Variants in GALM observed in about 807,000 individuals in gnomAD.
The protein encoded by GALM is aldose 1-epimerase.
A neutral mutation model predicts 37.4 loss-of-function variants in GALM; 43 were observed. The ratio of observed to expected loss-of-function variants is 1.15; its 90% CI spans 0.90 to 1.48. GALM has a LOEUF of 1.48. GALM is among the 40% of genes most tolerant of loss of function. The pLI is 0.00. For missense variants in GALM, 456 were observed against 419.1 expected, an observed-to-expected ratio of 1.09 and a Z score of -0.77; for synonymous variants, 199 against 170.6, an observed-to-expected ratio of 1.17 and a Z score of -1.30.
At position 38,668,929 on chromosome 2, in the gene GALM, T is replaced by C. The variant is rs543341597; in HGVS notation, c.190+2578T>C. On this transcript the variant is annotated intron_variant, in intron 1 of 6. Coordinates refer to ENST00000272252, the MANE Select transcript of GALM (RefSeq NM_138801.3). Reference sequence around the variant, plus strand: ...GATAATTCCATGAGACATGGTCCTTTTGTAACTGCAGAGTTAGATATGAAC... The same window carrying C: ...GATAATTCCATGAGACATGGTCCTTCTGTAACTGCAGAGTTAGATATGAAC... 10 of 152,314 alleles carry C rather than the reference T, an allele frequency of 6.6e-5. No homozygotes were observed. The South Asian group carries it at 1.9e-3, about 28-fold the overall frequency. 9.4% of individuals were successfully genotyped at this position (152,314 alleles called of 1,614,324 possible).
intron 4 of GALM, among the ~76,000 whole-genome samples, chr2:38,694,620 G>A (rs1228419168): frequency 6.6e-6 from 1 of 152,072 alleles, no homozygotes; most frequent in East Asian, 1.9e-4. Context: ...AGTCAGGCTG[G>A]GCGCAGTGGC....
chr2:38,717,480 AC>A (rs1666291850), intron 4 of GALM, among the ~76,000 whole-genome samples: 1 of 147,916 alleles, frequency 6.8e-6, no homozygotes, highest in Non-Finnish European at 1.5e-5. Context: ...GCTCACTGCA[AC>A]CTCCGCCTCC....
chr2:38,666,594 A>T (rs1225885758), intron 1 of GALM, among the ~76,000 whole-genome samples: 1 of 152,214 alleles, frequency 6.6e-6, no homozygotes, highest in Non-Finnish European at 1.5e-5. Context: ...GCCCCAGTTA[A>T]CGTAAAAGGT....
intron 3 of GALM, among the ~76,000 whole-genome samples, chr2:38,688,513 GA>G (rs201363784): frequency 0.043 from 5,909 of 137,932 alleles, 380 homozygotes; most frequent in African/African-American, 0.14. Context: ...CTCGGTCTCA[GA>G]AAAAAAAAAA....
chr2:38,726,605 C>T (rs1292897223), intron 4 of GALM, among the ~76,000 whole-genome samples: 7 of 152,048 alleles, frequency 4.6e-5, no homozygotes, highest in Non-Finnish European at 7.4e-5. Flanking sequence ...GTAAACCAGA[C>T]AAATGCAAGC....
chr2:38,732,036 T>C, intron 6 of GALM, 127 bp downstream of exon 6: 3 of 865,104 alleles, frequency 3.5e-6, no homozygotes, highest in Non-Finnish European at 5.3e-6. Flanking sequence ...GGTTTGTTTT[T>C]TGAGACAGAG....
chr2:38,679,719 G>T (rs960419765), intron 2 of GALM, among the ~76,000 whole-genome samples: 4 of 152,200 alleles, frequency 2.6e-5, no homozygotes, highest in Non-Finnish European at 5.9e-5. Context: ...TCAGGATCCA[G>T]TCCAATGCCA....
intron 4 of GALM, 132 bp downstream of exon 4, chr2:38,690,026 GTAATTTCT>G: frequency 1.7e-6 from 1 of 584,090 alleles, no homozygotes; most frequent in South Asian, 2.5e-5. Flanking sequence ...TATTCTAGTG[GTAATTTCT>G]TAGTTTTGAT....
At chr2:38,692,751 G>C (rs2148437604) in intron 4 of GALM, among the ~76,000 whole-genome samples, 1 of 152,320 alleles carries the variant, frequency 6.6e-6, no homozygotes, top group African/African-American at 2.4e-5. Context: ...GGCACAGAGG[G>C]CAGGCACTGC....
At chr2:38,703,664 T>C (rs112152727) in intron 4 of GALM, among the ~76,000 whole-genome samples, 15,950 of 152,180 alleles carry the variant, frequency 0.1, 917 homozygotes, top group African/African-American at 0.13. Context: ...GGTTCTTGTA[T>C]GTCTGGGAAG....
At chr2:38,706,393 G>C (rs1272993759) in intron 4 of GALM, among the ~76,000 whole-genome samples, 1 of 151,022 alleles carries the variant, frequency 6.6e-6, no homozygotes, top group Non-Finnish European at 1.5e-5. Context: ...TCTCACCCCA[G>C]GTTGGGCGTG....
chr2:38,700,882 G>A lies in GALM; in HGVS notation c.634+10988G>A, dbSNP rs115385082. 4.8e-3 allele frequency among the ~76,000 whole-genome samples: 736 copies of A among 152,064 alleles called. 2 individuals are homozygous for A. The highest frequency in any genetic ancestry group is 7.3e-3 in the Admixed American group (112 of 15,250). ...TTTGATTCTTTTCTCTTTCTCCTTT[G>A]TGTATGTGCTCTACCAGTGAGTTTT... On this transcript the variant is annotated intron_variant, in intron 4 of 6. Transcript: ENST00000272252.
intron 4 of GALM, among the ~76,000 whole-genome samples, chr2:38,696,692 A>T (rs1304760820): frequency 6.6e-6 from 1 of 150,542 alleles, no homozygotes; most frequent in Non-Finnish European, 1.5e-5. Context: ...GGCTGGTCTC[A>T]AACTCCCTGC....
intron 4 of GALM, among the ~76,000 whole-genome samples, chr2:38,717,343 G>GTA (rs1666289092): frequency 6.9e-6 from 1 of 144,320 alleles, no homozygotes; most frequent in African/African-American, 2.6e-5. Context: ...GTGTGTGTGT[G>GTA]TGTATAAAAG....
rs528092061 is a variant in GALM, at chr2:38,689,854, G to A, written c.594G>A (p.Ala198=). 2.5e-5 allele frequency: 41 copies of A among 1,612,164 alleles called. No homozygotes were observed. Among genetic ancestry groups the A allele is most frequent in the Middle Eastern group, 3.3e-4 (2 of 6,056 alleles). ...ATGACCATGAAGTCACCATAGAAGCGGATACTTATTTGCCTGTGGATGAAA... is the reference window on the plus strand; with the variant it reads ...ATGACCATGAAGTCACCATAGAAGCAGATACTTATTTGCCTGTGGATGAAA... The part of the protein sequence containing the change: ...NINDHEVTIE[A]DTYLPVDETL... The change falls in exon 4 of 7, where the codon GCG becomes GCA. Residue 198 remains alanine (A), a synonymous_variant. Transcript: ENST00000272252.
At chr2:38,691,725 T>G (rs1356182304) in intron 4 of GALM, among the ~76,000 whole-genome samples, 3 of 76,284 alleles carry the variant, frequency 3.9e-5, no homozygotes, top group Admixed American at 2.7e-4. Context: ...ATTTCAGTAG[T>G]TTTTTTTTTT....
intron 4 of GALM, among the ~76,000 whole-genome samples, chr2:38,712,213 C>G (rs568419319): frequency 2.0e-5 from 3 of 152,128 alleles, no homozygotes; most frequent in African/African-American, 7.2e-5. Flanking sequence ...TTCATGCTGT[C>G]TGTTATATTG....
At chr2:38,733,402 C>G in intron 6 of GALM, 86 bp from the exon 7 acceptor site, 2 of 1,098,604 alleles carry the variant, frequency 1.8e-6, no homozygotes, top group Non-Finnish European at 2.8e-6. Context: ...GAGCACTGGT[C>G]TAGAAGCCCG....
Position 38,676,013 on chromosome 2 carries a change from GC to G in GALM, c.294del (p.Ile99LeufsTer46), listed in dbSNP as rs751902026. ...GGTGGATGGGAAGGAGTATCACCTGGCCATTAACAAGGAACCCAACAGTCTG... is the reference window on the plus strand; with the variant it reads ...GGTGGATGGGAAGGAGTATCACCTGGCATTAACAAGGAACCCAACAGTCTG... ...FKVDGKEYHL[A>X]INKEPNSLHG... On this transcript the variant is annotated frameshift_variant, in exon 2 of 7. Coordinates refer to ENST00000272252, the MANE Select transcript of GALM (RefSeq NM_138801.3). LOFTEE classifies it high-confidence loss of function. 44 of 1,613,964 alleles carry G rather than the reference GC, an allele frequency of 2.7e-5. No homozygotes were observed. In the East Asian group the frequency reaches 8.9e-4, roughly 33 times the overall value.
Sources: gnomAD v4.1 joint callset for allele counts (sites outside exome capture counted in the v4.1 genomes callset) on GRCh38, gnomAD v4.1.1 for gene constraint, MANE v1.5 for transcripts, NCBI Gene and HGNC (gene_info 2026-07-23, HGNC 2026-07-21) for gene names.